MYRFL: variants seen among roughly 807,000 people sequenced by gnomAD.
MYRFL encodes myelin regulatory factor like.
Under a neutral mutation model 109.4 loss-of-function variants are expected in MYRFL, and 88 were observed. The ratio of observed to expected loss-of-function variants is 0.80; its 90% CI spans 0.68 to 0.96. The LOEUF is 0.96. Ranked by LOEUF, MYRFL falls within the 40% of genes least tolerant of loss-of-function variation. The pLI is 0.00. For synonymous variants in MYRFL, 324 were observed against 320.9 expected (o/e 1.01, Z -0.10); for missense variants, 957 against 954.9 (o/e 1.00, Z -0.03).
chr12:69,860,680 T>C (rs1884594679), intron 2 of MYRFL, among the ~76,000 whole-genome samples: 1 of 152,176 alleles, frequency 6.6e-6, no homozygotes, highest in Admixed American at 6.5e-5. Flanking sequence ...AGATTTTTAG[T>C]ATTCCATCTT....
chr12:69,930,569 A>C (rs1245225006), intron 15 of MYRFL, among the ~76,000 whole-genome samples: 1 of 152,062 alleles, frequency 6.6e-6, no homozygotes, highest in Non-Finnish European at 1.5e-5. Context: ...TTGTAATCTT[A>C]ATACTTTGGG....
chr12:69,928,193 G>T (rs1397360605), intron 15 of MYRFL, among the ~76,000 whole-genome samples: 2 of 152,196 alleles, frequency 1.3e-5, no homozygotes, highest in African/African-American at 4.8e-5. Flanking sequence ...GTATTCACTT[G>T]CTGGCAAAGG....
At chr12:69,826,003 A>G (rs1322250935) in intron 1 of MYRFL, among the ~76,000 whole-genome samples, 1 of 152,072 alleles carries the variant, frequency 6.6e-6, no homozygotes, top group Non-Finnish European at 1.5e-5. Flanking sequence ...CATTTACAGA[A>G]TCTAGGGATC....
intron 13 of MYRFL, among the ~76,000 whole-genome samples, chr12:69,924,550 C>T (rs1955012684): frequency 6.6e-6 from 1 of 152,046 alleles, no homozygotes; most frequent in Non-Finnish European, 1.5e-5. Context: ...TCTTTTATTT[C>T]TTAATTTTCT....
rs115667455 is a variant in MYRFL at position 69,889,181 on chromosome 12, G to A, written c.708-1790G>A. 6.5e-3 allele frequency among the ~76,000 whole-genome samples: 982 copies of A among 151,970 alleles called. 11 individuals carry two copies. The highest frequency in any genetic ancestry group is 0.022 in the African/African-American group (924 of 41,504). On this transcript the variant is annotated intron_variant, in intron 6 of 24. Coordinates refer to ENST00000552032, the MANE Select transcript of MYRFL (RefSeq NM_182530.3). ...GATCTGTACAGTAGTAGAGCAGTGA[G>A]TAATGCCCTCCTCTGCTTGCAGAGA...
chr12:69,931,352 T>C (rs2120464445), intron 15 of MYRFL, among the ~76,000 whole-genome samples: 1 of 152,304 alleles, frequency 6.6e-6, no homozygotes, highest in East Asian at 1.9e-4. Context: ...CAGAACAGTA[T>C]AAACCATTGA....
chr12:69,880,186 G>A lies in MYRFL; in HGVS notation c.465-15G>A, dbSNP rs1286175109. 2.8e-6 allele frequency: 2 copies of A among 702,254 alleles called. No individual in the cohort carries two copies. Among genetic ancestry groups the A allele is most frequent in the Admixed American group, 2.0e-5 (1 of 49,906 alleles). 43.5% of individuals were successfully genotyped at this position (702,254 alleles called of 1,614,324 possible). ...AGGAAGAATCCTAACCTTCGTTTTG[G>A]TGTCTTGATTTTAGAGCCTCATTGC... On this transcript the variant is annotated splice_polypyrimidine_tract_variant and intron_variant, in intron 4 of 24. Coordinates refer to ENST00000552032, the MANE Select transcript of MYRFL (RefSeq NM_182530.3).
chr12:69,922,271 G>A (rs1051463759), intron 13 of MYRFL, among the ~76,000 whole-genome samples: 4 of 151,974 alleles, frequency 2.6e-5, no homozygotes, highest in Admixed American at 2.6e-4. Context: ...AGTAAATAAT[G>A]ATTTAACATT....
chr12:69,946,527 C>T (rs1955844619), intron 19 of MYRFL: 1 of 152,064 alleles, frequency 6.6e-6, no homozygotes, highest in African/African-American at 2.4e-5. Flanking sequence ...TGAGAAAATA[C>T]ATAAAGAACA....
At chr12:69,880,380 G>A (rs1240287) in intron 5 of MYRFL, 88 bp downstream of exon 5, 635,958 of 639,148 alleles carry the variant, frequency 1, 316,459 homozygotes, top group East Asian at 1. Flanking sequence ...GAGCAGCCCT[G>A]CAAAAGTTTC....
At chr12:69,903,334 T>G (rs1048002197) in intron 10 of MYRFL, among the ~76,000 whole-genome samples, 7 of 152,230 alleles carry the variant, frequency 4.6e-5, no homozygotes, top group Non-Finnish European at 8.8e-5. Flanking sequence ...CCATTTTTAG[T>G]TTTCTTCTTT....
intron 19 of MYRFL, among the ~76,000 whole-genome samples, chr12:69,941,958 A>C (rs1428586331): frequency 1.3e-5 from 2 of 150,864 alleles, no homozygotes; most frequent in Non-Finnish European, 2.9e-5. Context: ...ATTCCTGGAC[A>C]CATACACTCT....
chr12:69,884,051 G>C (rs543411041), intron 5 of MYRFL, among the ~76,000 whole-genome samples: 1 of 152,242 alleles, frequency 6.6e-6, no homozygotes, highest in East Asian at 1.9e-4. Context: ...CTCCTGCAGG[G>C]CTCAAAGCAT....
intron 1 of MYRFL, among the ~76,000 whole-genome samples, chr12:69,840,423 A>G (rs77874289): frequency 0.096 from 14,568 of 152,204 alleles, 963 homozygotes; most frequent in African/African-American, 0.19. Context: ...AGCTATAAAT[A>G]CAGCCATTTT....
At chr12:69,952,309 G>T (rs1328401485) in intron 20 of MYRFL, 134 bp downstream of exon 20, 15 of 761,176 alleles carry the variant, frequency 2.0e-5, no homozygotes, top group Non-Finnish European at 3.1e-5. Flanking sequence ...CCATGGGACT[G>T]TGTGTTATAA....
intron 2 of MYRFL, among the ~76,000 whole-genome samples, chr12:69,861,849 C>A (rs1414909181): frequency 2.0e-5 from 3 of 151,182 alleles, no homozygotes; most frequent in Admixed American, 2.0e-4. Context: ...ATGGTAATGC[C>A]TAGGTTTTCT....
Position 69,898,780 on chromosome 12 carries a change from A to T in MYRFL, c.1182+1534A>T, listed in dbSNP as rs138773841. Among the ~76,000 whole-genome samples, 23 of 152,332 alleles carry T rather than the reference A, an allele frequency of 1.5e-4. No homozygotes were observed. The East Asian group carries it at 4.2e-3, about 28-fold the overall frequency. Reference sequence around the variant, plus strand: ...CATACTTGGAATAATTTACCTAGTGACAAGGTTTCTCCATTTGCTGCTGAC... The same window carrying T: ...CATACTTGGAATAATTTACCTAGTGTCAAGGTTTCTCCATTTGCTGCTGAC... On this transcript the variant is annotated intron_variant, in intron 10 of 24. Coordinates refer to ENST00000552032, the MANE Select transcript of MYRFL (RefSeq NM_182530.3).
chr12:69,862,838 G>A (rs1172176126), intron 2 of MYRFL, among the ~76,000 whole-genome samples: 1 of 152,154 alleles, frequency 6.6e-6, no homozygotes, highest in African/African-American at 2.4e-5. Flanking sequence ...AGTTTTCAAA[G>A]GGAATGCTTC....
At chr12:69,827,801 T>A (rs988443460) in intron 1 of MYRFL, among the ~76,000 whole-genome samples, 4 of 152,014 alleles carry the variant, frequency 2.6e-5, no homozygotes, top group Non-Finnish European at 5.9e-5. Flanking sequence ...ATAAACACAA[T>A]TAGATATATA....
Sources: allele counts gnomAD v4.1 joint callset (sites outside exome capture counted in the v4.1 genomes callset), GRCh38; gene constraint gnomAD v4.1.1; transcripts MANE v1.5; gene names NCBI Gene and HGNC (gene_info 2026-07-23, HGNC 2026-07-21).